OCIAD2: variants seen among roughly 807,000 people sequenced by gnomAD.
OCIAD2 encodes OCIA domain-containing protein 2.
OCIAD2 carries 29 observed loss-of-function variants against 22.9 expected under a neutral mutation model. The observed-to-expected ratio is 1.27, with a 90% CI of 0.94 to 1.73. The LOEUF (loss-of-function observed/expected upper bound fraction) is 1.73. OCIAD2 is among the 40% of genes most tolerant of loss of function. The pLI, the probability that OCIAD2 is intolerant of heterozygous loss-of-function variation, is 0.00. For synonymous variants in OCIAD2, 67 were observed against 60.2 expected (o/e 1.11, Z -0.52); for missense variants, 189 against 180.3 (o/e 1.05, Z -0.28).
rs1560460730 is a variant in OCIAD2 at position 48,899,913 on chromosome 4, A to T, written c.79T>A (p.Cys27Ser). ...PPPSKQSLLF[C>S]PKSKLHIHRA... ...TGGATGTGCAGTTTTGATTTTGGACAAAACAACAGGCTCTGTAAGGAAAGT... is the reference window on the plus strand; with the variant it reads ...TGGATGTGCAGTTTTGATTTTGGACTAAACAACAGGCTCTGTAAGGAAAGT... Residue 27 changes from cysteine to serine, a missense_variant, in exon 3 of 7, where the codon TGT becomes AGT. By Grantham distance (112) the Cys-to-Ser change is moderately radical. Transcript: ENST00000508632. The T allele has an allele frequency of 3.1e-6, 5 of 1,613,250 alleles. No individual in the cohort carries two copies. In the Admixed American group the frequency reaches 6.7e-5, roughly 22 times the overall value.
At chr4:48,888,215 A>G (rs1481573696) in intron 6 of OCIAD2, among the ~76,000 whole-genome samples, 5 of 152,216 alleles carry the variant, frequency 3.3e-5, no homozygotes, top group Admixed American at 2.6e-4. Context: ...GAAGTTGCTT[A>G]TCAGCTTAAG....
At chr4:48,900,885 A>G (rs1781400376) in intron 2 of OCIAD2, among the ~76,000 whole-genome samples, 1 of 152,022 alleles carries the variant, frequency 6.6e-6, no homozygotes, top group Non-Finnish European at 1.5e-5. Context: ...TAAGTCACTG[A>G]TCCCAGCCTT....
chr4:48,903,661 T>C lies in OCIAD2; in HGVS notation c.66+823A>G, dbSNP rs1781465865. ...TTTTTTTTTTTTTTTTTTTTCTTTT[T>C]TTTGAGACAGAGTCTCGCTCTGTTG... On this transcript the variant is annotated intron_variant, in intron 2 of 6. Transcript: ENST00000508632. Among the ~76,000 whole-genome samples the C allele has an allele frequency of 2.7e-5, 4 of 150,830 alleles. No homozygotes were observed. The South Asian group carries it at 8.5e-4, about 32-fold the overall frequency.
chr4:48,886,711 T>C (rs1179185320), intron 6 of OCIAD2, among the ~76,000 whole-genome samples: 1 of 152,182 alleles, frequency 6.6e-6, no homozygotes, highest in East Asian at 1.9e-4. Flanking sequence ...ATGGTGTATA[T>C]GTGCCACATT....
At position 48,899,928 on chromosome 4, in the gene OCIAD2, G is replaced by A. The variant is rs748607163; in HGVS notation, c.67-3C>T. On this transcript the variant is annotated splice_region_variant and splice_polypyrimidine_tract_variant and intron_variant, in intron 2 of 6. Transcript: ENST00000508632. Reference sequence around the variant, plus strand: ...GATTTTGGACAAAACAACAGGCTCTGTAAGGAAAGTTATATGGTGAGCTAA... The same window carrying A: ...GATTTTGGACAAAACAACAGGCTCTATAAGGAAAGTTATATGGTGAGCTAA... The A allele has an allele frequency of 1.2e-6, 2 of 1,609,888 alleles. No homozygotes were observed. Among genetic ancestry groups the A allele is most frequent in the Admixed American group, 1.7e-5 (1 of 59,920 alleles).
chr4:48,897,754 G>A lies in OCIAD2; in HGVS notation c.217+50C>T, dbSNP rs758296024. The A allele has an allele frequency of 2.2e-5, 32 of 1,435,018 alleles. No homozygotes were observed. In the East Asian group the frequency reaches 5.2e-4, roughly 23 times the overall value. The allele number at this position is 1,435,018 out of a possible 1,614,324, so 88.9% of individuals were successfully genotyped here. On this transcript the variant is annotated intron_variant, in intron 4 of 6. Coordinates refer to ENST00000508632, the MANE Select transcript of OCIAD2 (RefSeq NM_001014446.3). ...CCAAAAAGCTGCCAGGAGGGTCACA[G>A]TAAACTGGGCTCTCTGAAATTAGAT... is the stretch of plus-strand genomic sequence containing the variant.
intron 2 of OCIAD2, 150 bp from the exon 3 acceptor site, chr4:48,900,075 G>A (rs1781383105): frequency 3.6e-6 from 2 of 549,802 alleles, no homozygotes; most frequent in Admixed American, 3.5e-5. Flanking sequence ...CAGTTTCCAA[G>A]AGTGCTTTCT....
Position 48,892,696 on chromosome 4 carries a change from A to G in OCIAD2, c.383+76T>C, listed in dbSNP as rs555552909. On this transcript the variant is annotated intron_variant, in intron 6 of 6. Coordinates refer to ENST00000508632, the MANE Select transcript of OCIAD2 (RefSeq NM_001014446.3). Reference sequence around the variant, plus strand: ...GTGAATTTAAAAAATTGTGTTTAATATTATAAATAGTGAGTAATCTTTCAT... The same window carrying G: ...GTGAATTTAAAAAATTGTGTTTAATGTTATAAATAGTGAGTAATCTTTCAT... 9 of 721,804 alleles carry G rather than the reference A, an allele frequency of 1.2e-5. No individual in the cohort carries two copies. The East Asian group carries it at 2.0e-4, about 16-fold the overall frequency. The allele number at this position is 721,804 out of a possible 1,614,324, so 44.7% of individuals were successfully genotyped here. A position where few individuals can be genotyped will look rare whatever the true frequency, so the allele number is the denominator to read the frequency against.
chr4:48,892,123 T>C (rs1473903619), intron 6 of OCIAD2, among the ~76,000 whole-genome samples: 1 of 152,344 alleles, frequency 6.6e-6, no homozygotes, highest in South Asian at 2.1e-4. Context: ...GAGAAATGTG[T>C]CCCCAACACT....
At chr4:48,887,588 G>A (rs372309535) in intron 6 of OCIAD2, among the ~76,000 whole-genome samples, 17 of 152,162 alleles carry the variant, frequency 1.1e-4, no homozygotes, top group East Asian at 7.7e-4. Flanking sequence ...CATTTATTAA[G>A]TAGGGAATCC....
Position 48,885,252 on chromosome 4 carries a change from G to C in OCIAD2, c.*232C>G, listed in dbSNP as rs1780947767. The stretch of plus-strand genomic sequence containing the variant: ...GATCTGCCTGCCTCGGCCTCCCAAA[G>C]TACTGGGATTACAGGCATGAGCCAC... On this transcript the variant is annotated 3_prime_UTR_variant, in exon 7 of 7. Transcript: ENST00000508632. 2 of 445,372 alleles carry C rather than the reference G, an allele frequency of 4.5e-6. No individual in the cohort carries two copies. Among genetic ancestry groups the C allele is most frequent in the Non-Finnish European group, 8.0e-6 (2 of 249,076 alleles). The allele number at this position is 445,372 out of a possible 1,614,324, so 27.6% of individuals were successfully genotyped here.
chr4:48,897,852 G>T lies in OCIAD2; in HGVS notation c.169C>A (p.Pro57Thr). ...QEESFWKRAL[P>T]FSLVSMLVTQ... The stretch of plus-strand genomic sequence containing the variant: ...ACAAGCATGCTTACAAGAGAAAAAG[G>T]CAGAGCTGTAAAGCAAAAATGTCCT... The change falls in exon 4 of 7, where the codon CCT (proline) becomes ACT (threonine). Residue 57 changes from proline to threonine, a missense_variant. Pro to Thr is a conservative substitution (Grantham distance 38). Transcript: ENST00000508632. 3 of 1,612,286 alleles carry T rather than the reference G, an allele frequency of 1.9e-6. No homozygotes were observed. The highest frequency in any genetic ancestry group is 2.5e-6 in the Non-Finnish European group (3 of 1,178,586).
chr4:48,888,140 T>C lies in OCIAD2; in HGVS notation c.384-2575A>G, dbSNP rs1366071539. 5.3e-5 allele frequency among the ~76,000 whole-genome samples: 8 copies of C among 152,280 alleles called. No individual in the cohort carries two copies. In the East Asian group the frequency reaches 1.2e-3, roughly 22 times the overall value. On this transcript the variant is annotated intron_variant, in intron 6 of 6. Coordinates refer to ENST00000508632, the MANE Select transcript of OCIAD2 (RefSeq NM_001014446.3). The stretch of plus-strand genomic sequence containing the variant: ...CACTCATGATTTGGCTCTCTGTTGC[T>C]TGTTGTTGGTGTATAAGAATGCTTG...
chr4:48,890,488 G>T (rs925421936), intron 6 of OCIAD2, among the ~76,000 whole-genome samples: 2 of 152,112 alleles, frequency 1.3e-5, no homozygotes, highest in African/African-American at 4.8e-5. Context: ...TATGGAGTTA[G>T]ATTTGGACAC....
intron 4 of OCIAD2, among the ~76,000 whole-genome samples, chr4:48,895,363 T>G (rs1781281451): frequency 6.6e-6 from 1 of 152,222 alleles, no homozygotes; most frequent in South Asian, 2.1e-4. Flanking sequence ...TGTTTTCTGC[T>G]GCTATAACAG....
At chr4:48,895,600 C>A (rs1781285818) in intron 4 of OCIAD2, among the ~76,000 whole-genome samples, 1 of 152,224 alleles carries the variant, frequency 6.6e-6, no homozygotes, top group African/African-American at 2.4e-5. Flanking sequence ...GCCCTCATAA[C>A]TTAACCTCTT....
intron 2 of OCIAD2, among the ~76,000 whole-genome samples, chr4:48,902,824 G>A (rs1781444599): frequency 6.6e-6 from 1 of 152,102 alleles, no homozygotes; most frequent in Admixed American, 6.6e-5. Flanking sequence ...ATGGCGGCAG[G>A]TGCCTATAAT....
chr4:48,905,113 C>A (rs1160969114), intron 1 of OCIAD2, among the ~76,000 whole-genome samples: 3 of 151,968 alleles, frequency 2.0e-5, no homozygotes, highest in Non-Finnish European at 4.4e-5. Context: ...GTACACTAGT[C>A]CAGACAAGGA....
intron 6 of OCIAD2, among the ~76,000 whole-genome samples, chr4:48,888,573 T>C (rs1243446040): frequency 6.6e-6 from 1 of 152,230 alleles, no homozygotes; most frequent in Non-Finnish European, 1.5e-5. Flanking sequence ...CAAAGGCCTT[T>C]TCTGCATCTA....
Sources: allele counts gnomAD v4.1 joint callset (sites outside exome capture counted in the v4.1 genomes callset), GRCh38; gene constraint gnomAD v4.1.1; transcripts MANE v1.5; gene names NCBI Gene and HGNC (gene_info 2026-07-23, HGNC 2026-07-21).